FHOD3: variants seen among roughly 807,000 people sequenced by gnomAD.
The protein encoded by FHOD3 is formin homology 2 domain containing 3.
FHOD3 carries 90 observed loss-of-function variants against 173.0 expected under a neutral mutation model. The ratio of observed to expected loss-of-function variants is 0.52; its 90% CI spans 0.44 to 0.62. The LOEUF (loss-of-function observed/expected upper bound fraction) is 0.62. Among genes scored for constraint, FHOD3 ranks in the 20% least tolerant of loss-of-function variants. The probability of loss-of-function intolerance (pLI) is 0.00; values close to 1 mark genes in which losing one functional copy is unlikely to be tolerated. For synonymous variants in FHOD3, 828 were observed against 823.0 expected (o/e 1.01, Z -0.10); for missense variants, 1,945 against 2,034.7 (o/e 0.96, Z 0.85).
At chr18:36,568,168 A>AC (rs1445412596) in intron 5 of FHOD3, among the ~76,000 whole-genome samples, 3 of 44,352 alleles carry the variant, frequency 6.8e-5, no homozygotes, top group Non-Finnish European at 1.5e-4. Context: ...TACTAAAAAT[A>AC]CAAAAAAAAA....
intron 3 of FHOD3, among the ~76,000 whole-genome samples, chr18:36,431,756 T>A (rs1293040319): frequency 6.6e-6 from 1 of 152,234 alleles, no homozygotes. Context: ...AACTGTGATA[T>A]GACCATCCTT....
chr18:36,513,141 G>T (rs1660454615), intron 5 of FHOD3, among the ~76,000 whole-genome samples: 1 of 149,192 alleles, frequency 6.7e-6, no homozygotes. Flanking sequence ...ATAGTCATAG[G>T]TTTTTTTGTG....
intron 19 of FHOD3, among the ~76,000 whole-genome samples, chr18:36,727,757 C>T (rs1426263734): frequency 6.6e-6 from 1 of 152,170 alleles, no homozygotes; most frequent in African/African-American, 2.4e-5. Context: ...TTGCTTGCTA[C>T]ATGTGGACAC....
intron 5 of FHOD3, among the ~76,000 whole-genome samples, chr18:36,571,128 A>G (rs1010413811): frequency 3.3e-4 from 51 of 152,306 alleles, no homozygotes; most frequent in Non-Finnish European, 4.4e-5. Flanking sequence ...ATCTACAAAA[A>G]CAAAACAAAA....
intron 1 of FHOD3, among the ~76,000 whole-genome samples, chr18:36,328,388 C>T (rs1490501336): frequency 6.6e-6 from 1 of 151,976 alleles, no homozygotes; most frequent in African/African-American, 2.4e-5. Context: ...GTGCAAGGGT[C>T]CTGAGATGGG....
intron 1 of FHOD3, among the ~76,000 whole-genome samples, chr18:36,329,438 C>A (rs1192953926): frequency 6.6e-6 from 1 of 152,188 alleles, no homozygotes; most frequent in Non-Finnish European, 1.5e-5. Context: ...TATGTAATGG[C>A]AAGTAGCCAC....
intron 2 of FHOD3, among the ~76,000 whole-genome samples, chr18:36,356,851 G>A (rs898752302): frequency 6.6e-6 from 1 of 152,012 alleles, no homozygotes; most frequent in African/African-American, 2.4e-5. Flanking sequence ...TGCCCAGGCT[G>A]GTCTTGAACT....
At chr18:36,491,128 T>C (rs117260606) in intron 3 of FHOD3, among the ~76,000 whole-genome samples, 2,049 of 152,110 alleles carry the variant, frequency 0.013, 22 homozygotes, top group Middle Eastern at 0.031. Context: ...TGGCAGAAAA[T>C]GCCAAATCCC....
chr18:36,604,636 A>G (rs1477201511), intron 8 of FHOD3, among the ~76,000 whole-genome samples: 3 of 152,200 alleles, frequency 2.0e-5, no homozygotes, highest in Non-Finnish European at 4.4e-5. Context: ...ATTTAATGGA[A>G]CATAGCAAAC....
At chr18:36,343,648 G>A (rs1334414326) in intron 1 of FHOD3, among the ~76,000 whole-genome samples, 1 of 51,894 alleles carries the variant, frequency 1.9e-5, no homozygotes, top group African/African-American at 3.7e-5. Flanking sequence ...CCTCTCTACC[G>A]TGTGATCTCT....
intron 17 of FHOD3, among the ~76,000 whole-genome samples, chr18:36,705,688 C>G (rs1011970426): frequency 9.2e-5 from 14 of 152,162 alleles, no homozygotes; most frequent in Admixed American, 6.5e-4. Flanking sequence ...TCTTTCACCA[C>G]CAACACCACA....
intron 3 of FHOD3, among the ~76,000 whole-genome samples, chr18:36,380,259 A>G (rs2047670481): frequency 6.6e-6 from 1 of 152,212 alleles, no homozygotes. Flanking sequence ...GGATAATTGA[A>G]AAAAAGGAAA....
chr18:36,535,111 AAAAGT>A (rs1480994850), intron 5 of FHOD3, among the ~76,000 whole-genome samples: 2 of 152,246 alleles, frequency 1.3e-5, no homozygotes, highest in African/African-American at 2.4e-5. Context: ...TATCAACAAA[AAAAGT>A]AGCACTACCA....
chr18:36,378,127 C>A (rs1003659513), intron 3 of FHOD3, among the ~76,000 whole-genome samples: 8 of 152,164 alleles, frequency 5.3e-5, no homozygotes. Context: ...CCCTGGAAAC[C>A]ATCTCTCATT....
chr18:36,596,738 G>A (rs896888066), intron 7 of FHOD3, among the ~76,000 whole-genome samples: 10 of 152,196 alleles, frequency 6.6e-5, no homozygotes, highest in African/African-American at 1.4e-4. Flanking sequence ...GTACATGGAC[G>A]GGGGCTGTGA....
intron 20 of FHOD3, among the ~76,000 whole-genome samples, chr18:36,731,196 C>T (rs1320396864): frequency 6.6e-6 from 1 of 152,210 alleles, no homozygotes; most frequent in African/African-American, 2.4e-5. Flanking sequence ...AACTTTCTCT[C>T]TTGGCATTTG....
At chr18:36,670,723 C>G (rs1448867633) in intron 14 of FHOD3, among the ~76,000 whole-genome samples, 1 of 151,942 alleles carries the variant, frequency 6.6e-6, no homozygotes, top group African/African-American at 2.4e-5. Flanking sequence ...TCTTTGCATG[C>G]TTGGTCATTT....
chr18:36,484,146 CTA>C (rs2054072220), intron 3 of FHOD3, among the ~76,000 whole-genome samples: 1 of 152,216 alleles, frequency 6.6e-6, no homozygotes, highest in Non-Finnish European at 1.5e-5. Flanking sequence ...TTTAAAAATC[CTA>C]TGTGACAGTC....
chr18:36,426,067 G>A (rs955512567), intron 3 of FHOD3, among the ~76,000 whole-genome samples: 1 of 112,350 alleles, frequency 8.9e-6, no homozygotes, highest in African/African-American at 3.5e-5. Flanking sequence ...ACCATGCCCG[G>A]CTAATTTTTT....
Sources: gnomAD v4.1 joint callset for allele counts (sites outside exome capture counted in the v4.1 genomes callset) on GRCh38, gnomAD v4.1.1 for gene constraint, MANE v1.5 for transcripts, NCBI Gene and HGNC (gene_info 2026-07-23, HGNC 2026-07-21) for gene names.